RGS6: variants seen among roughly 807,000 people sequenced by gnomAD.
RGS6 encodes regulator of G protein signaling 6, also known as regulator of G-protein signaling 6.
In RGS6, 30 loss-of-function variants were observed where a neutral mutation model predicts 78.5. The ratio of observed to expected loss-of-function variants is 0.38; its 90% CI spans 0.29 to 0.52. The LOEUF is 0.52. Among genes scored for constraint, RGS6 ranks in the 20% least tolerant of loss-of-function variants. The pLI, the probability that RGS6 is intolerant of heterozygous loss-of-function variation, is 0.85. For missense variants in RGS6, 495 were observed against 609.7 expected (o/e 0.81, Z 1.98); for synonymous variants, 206 against 206.0 (o/e 1.00, Z 0.00).
intron 3 of RGS6, among the ~76,000 whole-genome samples, chr14:72,403,602 A>C (rs1294453634): frequency 6.6e-6 from 1 of 152,232 alleles, no homozygotes; most frequent in African/African-American, 2.4e-5. Context: ...AAGATTTTGA[A>C]TGTTCCCAAC....
At chr14:71,990,252 G>GA in intron 2 of RGS6, among the ~76,000 whole-genome samples, 1 of 152,240 alleles carries the variant, frequency 6.6e-6, no homozygotes. Flanking sequence ...CCACAGTGGG[G>GA]AGCAAATTTC....
chr14:72,431,675 T>A (rs1193798270), intron 3 of RGS6, among the ~76,000 whole-genome samples: 1 of 152,224 alleles, frequency 6.6e-6, no homozygotes, highest in East Asian at 1.9e-4. Context: ...GCTTTATACT[T>A]ATCTTTCTCC....
chr14:72,584,936 C>G, the RGS6 span, among the ~76,000 whole-genome samples: 35 of 151,994 alleles, frequency 2.3e-4, no homozygotes, highest in Non-Finnish European at 2.9e-5. Context: ...TGAACCAAGC[C>G]CAGGGTTAGC....
intron 2 of RGS6, among the ~76,000 whole-genome samples, chr14:72,069,608 C>G (rs895141280): frequency 6.6e-6 from 1 of 152,132 alleles, no homozygotes; most frequent in Non-Finnish European, 1.5e-5. Context: ...GGTGCAGTCA[C>G]AATGATTGCA....
At chr14:72,135,325 C>T (rs1020957541) in intron 2 of RGS6, among the ~76,000 whole-genome samples, 3 of 152,086 alleles carry the variant, frequency 2.0e-5, no homozygotes, top group Non-Finnish European at 2.9e-5. Flanking sequence ...GGCAGAGACT[C>T]GCTTGGCTCT....
chr14:72,537,076 T>C (rs1280193442), intron 16 of RGS6, among the ~76,000 whole-genome samples: 1 of 152,192 alleles, frequency 6.6e-6, no homozygotes. Context: ...AGAGGGCTCC[T>C]GGTTTCAGTA....
chr14:72,124,748 T>C (rs2096145876), intron 2 of RGS6, among the ~76,000 whole-genome samples: 1 of 152,210 alleles, frequency 6.6e-6, no homozygotes, highest in African/African-American at 2.4e-5. Context: ...ACTTTCACTA[T>C]AGAAAGAGCT....
chr14:72,537,261 A>G (rs1380075862), intron 16 of RGS6, among the ~76,000 whole-genome samples: 1 of 152,142 alleles, frequency 6.6e-6, no homozygotes, highest in Admixed American at 6.5e-5. Context: ...GTGGTTGCCC[A>G]TCACATGCTC....
intron 2 of RGS6, among the ~76,000 whole-genome samples, chr14:72,142,237 C>T (rs1487698098): frequency 2.0e-5 from 3 of 151,670 alleles, no homozygotes; most frequent in Non-Finnish European, 2.9e-5. Flanking sequence ...ATGGGCACAC[C>T]AGCTTTTATT....
At chr14:72,184,164 T>A (rs1036710146) in intron 2 of RGS6, among the ~76,000 whole-genome samples, 2 of 152,110 alleles carry the variant, frequency 1.3e-5, no homozygotes, top group African/African-American at 2.4e-5. Flanking sequence ...TTATTTCTCC[T>A]TCTTGAAGCT....
At chr14:72,203,127 G>A (rs1207722298) in intron 2 of RGS6, among the ~76,000 whole-genome samples, 4 of 151,958 alleles carry the variant, frequency 2.6e-5, no homozygotes, top group African/African-American at 4.8e-5. Flanking sequence ...TGCCCGCCTC[G>A]GCCTCCCAAA....
the RGS6 span, among the ~76,000 whole-genome samples, chr14:71,907,244 G>T: frequency 6.6e-6 from 1 of 152,198 alleles, no homozygotes; most frequent in Non-Finnish European, 1.5e-5. Context: ...TGCTGCAAAG[G>T]AGAGGCTTTT....
At chr14:72,261,368 T>TC (rs2058123044) in intron 2 of RGS6, among the ~76,000 whole-genome samples, 1 of 152,094 alleles carries the variant, frequency 6.6e-6, no homozygotes, top group South Asian at 2.1e-4. Flanking sequence ...TACAGTCCCT[T>TC]CCCCACTACA....
chr14:72,386,393 C>G (rs2088019324), intron 3 of RGS6, among the ~76,000 whole-genome samples: 1 of 152,042 alleles, frequency 6.6e-6, no homozygotes, highest in South Asian at 2.1e-4. Context: ...AAAAAATTAG[C>G]CAGGCATGGT....
At chr14:71,967,387 G>T (rs559414377) in intron 2 of RGS6, among the ~76,000 whole-genome samples, 7 of 152,068 alleles carry the variant, frequency 4.6e-5, no homozygotes, top group Non-Finnish European at 7.4e-5. Context: ...TTTTCATATA[G>T]TTTTCTACTC....
At chr14:72,446,227 C>G (rs887126497) in intron 3 of RGS6, among the ~76,000 whole-genome samples, 1 of 152,180 alleles carries the variant, frequency 6.6e-6, no homozygotes, top group African/African-American at 2.4e-5. Flanking sequence ...ACACCTGGAT[C>G]TTAGCTGTCT....
chr14:71,989,401 T>C (rs2094858241), intron 2 of RGS6, among the ~76,000 whole-genome samples: 1 of 152,226 alleles, frequency 6.6e-6, no homozygotes, highest in African/African-American at 2.4e-5. Context: ...CACAACCTCA[T>C]AGGCAAGATA....
At chr14:72,412,546 G>A (rs2093497670) in intron 3 of RGS6, among the ~76,000 whole-genome samples, 1 of 152,022 alleles carries the variant, frequency 6.6e-6, no homozygotes, top group Non-Finnish European at 1.5e-5. Context: ...TTTTTGAAGG[G>A]TTTTTTGTGT....
chr14:72,550,078 A>C (rs183150546), intron 17 of RGS6, among the ~76,000 whole-genome samples: 171 of 152,232 alleles, frequency 1.1e-3, no homozygotes, highest in African/African-American at 3.7e-3. Context: ...GGCTGCTTTC[A>C]ACTCATCGTG....
Sources: gnomAD v4.1 joint callset for allele counts (sites outside exome capture counted in the v4.1 genomes callset) on GRCh38, gnomAD v4.1.1 for gene constraint, MANE v1.5 for transcripts, NCBI Gene and HGNC (gene_info 2026-07-23, HGNC 2026-07-21) for gene names.